The following ATG7 variants were observed in gnomAD, a reference collection of about 807,000 sequenced individuals.
The protein encoded by ATG7 is ubiquitin-like modifier-activating enzyme ATG7.
A neutral mutation model predicts 82.4 loss-of-function variants in ATG7; 70 were observed. That is an observed-to-expected ratio of 0.85 (90% CI 0.70 to 1.04). The LOEUF is 1.04. ATG7 is among the 50% of genes least tolerant of loss of function. The probability of loss-of-function intolerance (pLI) is 0.00; values close to 1 mark genes in which losing one functional copy is unlikely to be tolerated. For missense variants in ATG7, 792 were observed against 864.3 expected (o/e 0.92, Z 1.05); for synonymous variants, 287 against 313.0 (o/e 0.92, Z 0.88).
intron 9 of ATG7, among the ~76,000 whole-genome samples, chr3:11,325,187 C>T (rs561663095): frequency 1.1e-4 from 17 of 152,186 alleles, no homozygotes; most frequent in South Asian, 4.2e-4. Flanking sequence ...GTTGGTATGA[C>T]GGTGAAATTG....
At chr3:11,415,149 T>G (rs1045687736) in intron 19 of ATG7, among the ~76,000 whole-genome samples, 3 of 152,242 alleles carry the variant, frequency 2.0e-5, no homozygotes, top group African/African-American at 7.2e-5. Flanking sequence ...AACACAACGG[T>G]AAGTACTTGT....
At chr3:11,334,717 G>A (rs1308980616) in intron 11 of ATG7, among the ~76,000 whole-genome samples, 1 of 151,462 alleles carries the variant, frequency 6.6e-6, no homozygotes, top group Non-Finnish European at 1.5e-5. Context: ...CAGCACTTTG[G>A]GAGGCCGAGG....
At chr3:11,442,460 G>A (rs764112170) in intron 20 of ATG7, among the ~76,000 whole-genome samples, 8 of 151,792 alleles carry the variant, frequency 5.3e-5, no homozygotes, top group Non-Finnish European at 1.0e-4. Flanking sequence ...AAAATGTTTC[G>A]GGATATATAT....
At chr3:11,423,363 A>ATT (rs1391279912) in intron 19 of ATG7, among the ~76,000 whole-genome samples, 3 of 152,214 alleles carry the variant, frequency 2.0e-5, no homozygotes, top group African/African-American at 7.2e-5. Context: ...AAAAAGTTTG[A>ATT]AATATTGTGA....
intron 9 of ATG7, among the ~76,000 whole-genome samples, chr3:11,329,218 A>T (rs1207380737): frequency 1.3e-5 from 2 of 152,226 alleles, no homozygotes; most frequent in African/African-American, 4.8e-5. Context: ...ATACACCAAG[A>T]TGTTAATAGT....
chr3:11,553,610 G>A (rs1480939385), intron 20 of ATG7, among the ~76,000 whole-genome samples: 1 of 152,132 alleles, frequency 6.6e-6, no homozygotes, highest in East Asian at 1.9e-4. Flanking sequence ...CAGAGATAGG[G>A]ACACCTGGTC....
intron 20 of ATG7, among the ~76,000 whole-genome samples, chr3:11,470,731 A>G (rs572030540): frequency 6.0e-4 from 91 of 152,182 alleles, no homozygotes; most frequent in Middle Eastern, 3.2e-3. Context: ...CCACCAGAGG[A>G]CATGGAGTAG....
chr3:11,569,901 C>A, the ATG7 span, among the ~76,000 whole-genome samples: 1 of 152,190 alleles, frequency 6.6e-6, no homozygotes, highest in African/African-American at 2.4e-5. Flanking sequence ...AGATTGCTAG[C>A]ACATCTTTAA....
intron 20 of ATG7, among the ~76,000 whole-genome samples, chr3:11,553,127 C>T (rs1292660220): frequency 6.6e-6 from 1 of 152,134 alleles, no homozygotes; most frequent in African/African-American, 2.4e-5. Context: ...TCCATCTTGC[C>T]CCATCACCTC....
intron 9 of ATG7, among the ~76,000 whole-genome samples, chr3:11,318,216 G>C (rs1235227278): frequency 7.2e-5 from 11 of 152,100 alleles, no homozygotes; most frequent in Non-Finnish European, 1.5e-5. Context: ...TCCTTCACTT[G>C]GTTAGGGTGG....
At chr3:11,277,890 G>GCCCC (rs1575103182) in intron 1 of ATG7, among the ~76,000 whole-genome samples, 3 of 48,114 alleles carry the variant, frequency 6.2e-5, no homozygotes, top group Admixed American at 2.9e-4. Flanking sequence ...GCCCTTTATA[G>GCCCC]ACCCCCCCCC....
At chr3:11,446,621 G>T (rs753092343) in intron 20 of ATG7, 392 of 356,522 alleles carry the variant, frequency 1.1e-3, no homozygotes, top group Non-Finnish European at 1.8e-3. Context: ...GATACATCAT[G>T]GTACTTGAGC....
downstream of ATG7, among the ~76,000 whole-genome samples, chr3:11,561,744 G>A (rs2073026243): frequency 6.6e-6 from 1 of 152,082 alleles, no homozygotes; most frequent in South Asian, 2.1e-4. Context: ...GCGGATTTGT[G>A]GCAGGGCCAG....
intron 20 of ATG7, among the ~76,000 whole-genome samples, chr3:11,478,289 T>C (rs1454558799): frequency 1.3e-5 from 2 of 152,232 alleles, no homozygotes; most frequent in South Asian, 2.1e-4. Flanking sequence ...ATCTCTCTTT[T>C]AGAAACATCC....
chr3:11,333,355 G>A (rs1010473709), intron 11 of ATG7, among the ~76,000 whole-genome samples: 3 of 152,030 alleles, frequency 2.0e-5, no homozygotes, highest in Non-Finnish European at 4.4e-5. Context: ...TGCTCCCCCC[G>A]TTTTCAATTT....
downstream of ATG7, chr3:11,558,380 G>A (rs937697472): frequency 2.8e-5 from 30 of 1,068,916 alleles, no homozygotes; most frequent in East Asian, 3.1e-4. Context: ...CCCCTTGTAC[G>A]GATACCAAGC....
At chr3:11,545,865 C>A (rs1575276557) in intron 20 of ATG7, among the ~76,000 whole-genome samples, 1 of 152,118 alleles carries the variant, frequency 6.6e-6, no homozygotes, top group South Asian at 2.1e-4. Flanking sequence ...GGGTTAGCAC[C>A]CCCATACCCC....
chr3:11,302,192 A>T (rs1946889437), intron 5 of ATG7, among the ~76,000 whole-genome samples: 1 of 150,934 alleles, frequency 6.6e-6, no homozygotes, highest in Non-Finnish European at 1.5e-5. Flanking sequence ...ATCTATGGCT[A>T]ATTAACTGTG....
At chr3:11,295,073 C>G (rs552350359) in intron 3 of ATG7, among the ~76,000 whole-genome samples, 42 of 152,272 alleles carry the variant, frequency 2.8e-4, no homozygotes, top group Admixed American at 1.9e-3. Flanking sequence ...GACTGTGGCA[C>G]TGCACTCCAG....
Sources: gnomAD v4.1 joint callset for allele counts (sites outside exome capture counted in the v4.1 genomes callset) on GRCh38, gnomAD v4.1.1 for gene constraint, MANE v1.5 for transcripts, NCBI Gene and HGNC (gene_info 2026-07-23, HGNC 2026-07-21) for gene names.